The following AGMO variants were observed in gnomAD, a reference collection of about 807,000 sequenced individuals.
AGMO encodes glyceryl-ether monooxygenase.
Under a neutral mutation model 60.2 loss-of-function variants are expected in AGMO, and 75 were observed. The observed-to-expected ratio is 1.25, with a 90% CI of 1.03 to 1.51. The LOEUF is 1.51. Ranked by LOEUF, AGMO falls within the 40% of genes most tolerant of loss-of-function variation. The pLI is 0.00. For missense variants in AGMO, 763 were observed against 525.5 expected (o/e 1.45, Z -4.42); for synonymous variants, 261 against 177.1 (o/e 1.47, Z -3.76).
intron 12 of AGMO, among the ~76,000 whole-genome samples, chr7:15,243,976 A>C (rs1782668646): frequency 6.6e-6 from 1 of 152,140 alleles, no homozygotes; most frequent in Admixed American, 6.5e-5. Context: ...TTAGGTCATA[A>C]ATCAAACAAC....
At chr7:15,292,798 C>T (rs1293127940) in intron 12 of AGMO, among the ~76,000 whole-genome samples, 1 of 124,274 alleles carries the variant, frequency 8.0e-6, no homozygotes, top group Non-Finnish European at 1.6e-5. Flanking sequence ...ACTCTTGTCT[C>T]CCAAGCTGGA....
intron 12 of AGMO, among the ~76,000 whole-genome samples, chr7:15,335,750 A>G (rs561781014): frequency 4.5e-4 from 69 of 152,336 alleles, no homozygotes; most frequent in African/African-American, 1.6e-3. Flanking sequence ...TTTCACATCT[A>G]TAACTTAGAT....
At chr7:15,181,243 T>C in the AGMO span, among the ~76,000 whole-genome samples, 1 of 152,228 alleles carries the variant, frequency 6.6e-6, no homozygotes, top group Admixed American at 6.5e-5. Flanking sequence ...TAAGGAGGTA[T>C]CATCTGGCTA....
intron 3 of AGMO, among the ~76,000 whole-genome samples, chr7:15,485,868 C>T (rs1782908027): frequency 1.3e-5 from 2 of 151,868 alleles, no homozygotes; most frequent in Admixed American, 6.6e-5. Flanking sequence ...TCAAATTGAC[C>T]TTATTTGGGG....
chr7:15,475,228 AAT>A (rs1246926591), intron 3 of AGMO, among the ~76,000 whole-genome samples: 1 of 152,192 alleles, frequency 6.6e-6, no homozygotes, highest in Non-Finnish European at 1.5e-5. Flanking sequence ...TTCTACTATA[AAT>A]ACACATGCAC....
At chr7:15,171,029 G>A in the AGMO span, among the ~76,000 whole-genome samples, 1 of 152,234 alleles carries the variant, frequency 6.6e-6, no homozygotes, top group South Asian at 2.1e-4. Flanking sequence ...AGGCTGGAGT[G>A]CAGTGGCGTG....
Position 15,288,168 on chromosome 7 carries a change from C to T in AGMO, c.1263+77346G>A, listed in dbSNP as rs1314076893. Among the ~76,000 whole-genome samples, 7 of 152,020 alleles carry T rather than the reference C, an allele frequency of 4.6e-5. No individual in the cohort carries two copies. The East Asian group carries it at 5.8e-4, about 13-fold the overall frequency. On this transcript the variant is annotated intron_variant, in intron 12 of 12. Transcript: ENST00000342526. ...CCTCCTGAGTAGCTAGGACCACAGG[C>T]GCCCAGCACCACGCCCGGCTAATTT...
chr7:15,329,308 C>T, intron 12 of AGMO, among the ~76,000 whole-genome samples: 1 of 152,108 alleles, frequency 6.6e-6, no homozygotes, highest in East Asian at 1.9e-4. Context: ...GTGAATTAAG[C>T]CATTGGTGGC....
chr7:15,541,237 C>T (rs939304352), intron 3 of AGMO, among the ~76,000 whole-genome samples: 5 of 152,180 alleles, frequency 3.3e-5, no homozygotes, highest in African/African-American at 1.2e-4. Flanking sequence ...ATTCTCCTGC[C>T]TCAGCCTCCT....
chr7:15,369,859 A>G (rs555296638), intron 10 of AGMO, among the ~76,000 whole-genome samples: 12 of 152,302 alleles, frequency 7.9e-5, no homozygotes, highest in African/African-American at 2.9e-4. Context: ...AAATGTTATT[A>G]CATTGCTAAT....
At chr7:15,146,986 G>A in the AGMO span, among the ~76,000 whole-genome samples, 2 of 151,926 alleles carry the variant, frequency 1.3e-5, no homozygotes, top group Non-Finnish European at 2.9e-5. Context: ...TACATTTCAC[G>A]AAATGTTAAA....
At chr7:15,460,738 C>T (rs1782122433) in intron 3 of AGMO, among the ~76,000 whole-genome samples, 1 of 151,854 alleles carries the variant, frequency 6.6e-6, no homozygotes, top group Admixed American at 6.6e-5. Flanking sequence ...CCATCAGCAA[C>T]CTTTGTAGCA....
At chr7:15,422,214 A>T (rs566888226) in intron 4 of AGMO, among the ~76,000 whole-genome samples, 6 of 152,292 alleles carry the variant, frequency 3.9e-5, no homozygotes, top group Admixed American at 2.6e-4. Context: ...ATAACAAAAA[A>T]GGAGACAGCT....
intron 3 of AGMO, among the ~76,000 whole-genome samples, chr7:15,476,157 A>C (rs1782588470): frequency 6.6e-6 from 1 of 152,104 alleles, no homozygotes; most frequent in African/African-American, 2.4e-5. Context: ...ATCGAATTTC[A>C]CTTCAGGAAT....
the AGMO span, among the ~76,000 whole-genome samples, chr7:15,155,586 T>A: frequency 2.6e-5 from 4 of 152,062 alleles, no homozygotes. Context: ...TTCTTTTATA[T>A]CTTGATGAGC....
chr7:15,385,314 G>GT (rs1229236511), intron 10 of AGMO, 132 bp downstream of exon 10: 18 of 591,026 alleles, frequency 3.0e-5, no homozygotes, highest in Non-Finnish European at 4.7e-5. Flanking sequence ...CTATTTAAAT[G>GT]TGAGACGTTG....
intron 12 of AGMO, among the ~76,000 whole-genome samples, chr7:15,344,414 G>C (rs1487868666): frequency 1.3e-5 from 2 of 152,120 alleles, no homozygotes; most frequent in Non-Finnish European, 2.9e-5. Flanking sequence ...AAATCTGGAT[G>C]CTAGGCCAGG....
At chr7:15,358,610 T>A (rs1055288385) in intron 12 of AGMO, among the ~76,000 whole-genome samples, 5 of 152,232 alleles carry the variant, frequency 3.3e-5, no homozygotes, top group Middle Eastern at 3.4e-3. Context: ...ACCTTAAACT[T>A]CCACTCTCCT....
intron 5 of AGMO, chr7:15,396,575 C>G (rs76657249): frequency 6.6e-6 from 1 of 152,236 alleles, no homozygotes; most frequent in Non-Finnish European, 1.5e-5. Flanking sequence ...AACAGCTTGC[C>G]GCTCCTTGCT....
Sources: gnomAD v4.1 joint callset for allele counts (sites outside exome capture counted in the v4.1 genomes callset) on GRCh38, gnomAD v4.1.1 for gene constraint, MANE v1.5 for transcripts, NCBI Gene and HGNC (gene_info 2026-07-23, HGNC 2026-07-21) for gene names.